Variants in TMEM87B observed in about 807,000 individuals in gnomAD.
TMEM87B encodes transmembrane protein 87B.
In TMEM87B, 83 loss-of-function variants were observed where a neutral mutation model predicts 80.3. The ratio of observed to expected loss-of-function variants is 1.03; its 90% confidence interval spans 0.87 to 1.24. The LOEUF is 1.24. TMEM87B is among the 50% of genes most tolerant of loss of function. The pLI, the probability that TMEM87B is intolerant of heterozygous loss-of-function variation, is 0.00. For synonymous variants in TMEM87B, 219 were observed against 230.5 expected (o/e 0.95, Z 0.45); for missense variants, 625 against 674.4 (o/e 0.93, Z 0.81).
chr2:112,108,432 CT>C (rs1679830820), intron 17 of TMEM87B, among the ~76,000 whole-genome samples: 2 of 152,164 alleles, frequency 1.3e-5, no homozygotes, highest in Admixed American at 6.5e-5. Context: ...GAAGAATTGC[CT>C]TTACATTTCT....
intron 17 of TMEM87B, among the ~76,000 whole-genome samples, chr2:112,109,885 G>A (rs1023338647): frequency 2.0e-5 from 3 of 150,964 alleles, no homozygotes; most frequent in Non-Finnish European, 4.4e-5. Context: ...TTCTGCCTCA[G>A]CCTCCTGGGT....
rs750968814 is a variant in TMEM87B, at chr2:112,089,654, T to C, written c.968T>C (p.Val323Ala). 1 of 1,614,190 alleles carries C rather than the reference T, an allele frequency of 6.2e-7. No individual in the cohort carries two copies. Among genetic ancestry groups the C allele is most frequent in the East Asian group, 2.2e-5 (1 of 44,882 alleles). The change falls in exon 10 of 19, where the codon GTG (valine) becomes GCG (alanine). Residue 323 changes from valine (V) to alanine (A), a missense_variant. By Grantham distance (64) the Val-to-Ala change is moderately conservative. Coordinates refer to ENST00000283206, the MANE Select transcript of TMEM87B (RefSeq NM_032824.3). ...KPRLGTVMHR[V>A]IGLGLLYLIF... Reference sequence around the variant, plus strand: ...CGTTTAGGAACAGTCATGCACCGGGTGATCGGACTGGGGCTTCTATACTTA... The same window carrying C: ...CGTTTAGGAACAGTCATGCACCGGGCGATCGGACTGGGGCTTCTATACTTA...
intron 2 of TMEM87B, among the ~76,000 whole-genome samples, chr2:112,061,988 G>A (rs968177503): frequency 2.6e-5 from 4 of 152,200 alleles, no homozygotes; most frequent in South Asian, 4.1e-4. Context: ...CTTCTCATCC[G>A]TATTGGGCCT....
Position 112,068,282 on chromosome 2 carries a change from T to A in TMEM87B, c.450+1215T>A, listed in dbSNP as rs1678500071. On this transcript the variant is annotated intron_variant, in intron 4 of 18. Coordinates refer to ENST00000283206, the MANE Select transcript of TMEM87B (RefSeq NM_032824.3). ...TTGGTTAGTGAGATTATGAGGCATT[T>A]AAATTTATTTTTTGTTCTTTTGTAA... Among the ~76,000 whole-genome samples the A allele has an allele frequency of 2.0e-5, 3 of 152,280 alleles. No homozygotes were observed. In the South Asian group the frequency reaches 6.2e-4, roughly 32 times the overall value.
chr2:112,089,596 C>CT lies in TMEM87B; in HGVS notation c.939-26dup, dbSNP rs1679242067. On this transcript the variant is annotated intron_variant, in intron 9 of 18. Transcript: ENST00000283206. ...ATTTTACTCACCCATGCTTTTTCTT[C>CT]TTTCTCTGTTTCCTCTTCCTGATTC... 4 of 1,608,814 alleles carry CT rather than the reference C, an allele frequency of 2.5e-6. No individual in the cohort carries two copies. In the African/African-American group the frequency reaches 4.0e-5, roughly 16 times the overall value.
intron 4 of TMEM87B, among the ~76,000 whole-genome samples, chr2:112,073,861 T>G (rs760937134): frequency 2.6e-5 from 4 of 152,184 alleles, no homozygotes; most frequent in Admixed American, 6.5e-5. Context: ...CTTCTGTGTC[T>G]TTTTTGATTT....
intron 1 of TMEM87B, among the ~76,000 whole-genome samples, chr2:112,057,414 T>C (rs1678110353): frequency 6.6e-6 from 1 of 152,176 alleles, no homozygotes; most frequent in Non-Finnish European, 1.5e-5. Flanking sequence ...TAGCGAAGAC[T>C]ATAGGTACAT....
At chr2:112,082,451 A>C (rs1385997676) in intron 8 of TMEM87B, among the ~76,000 whole-genome samples, 1 of 152,184 alleles carries the variant, frequency 6.6e-6, no homozygotes, top group African/African-American at 2.4e-5. Context: ...TGGACTATAG[A>C]TGAAACAAAT....
At chr2:112,068,557 A>G (rs913862850) in intron 4 of TMEM87B, among the ~76,000 whole-genome samples, 3 of 151,862 alleles carry the variant, frequency 2.0e-5, no homozygotes, top group African/African-American at 7.3e-5. Flanking sequence ...ACAAAAAATT[A>G]GCCGAGCGTG....
At chr2:112,104,757 C>G (rs1417064665) in intron 15 of TMEM87B, among the ~76,000 whole-genome samples, 2 of 152,118 alleles carry the variant, frequency 1.3e-5, no homozygotes, top group Non-Finnish European at 2.9e-5. Flanking sequence ...TACAGAAACA[C>G]AAGAATGTTT....
intron 3 of TMEM87B, among the ~76,000 whole-genome samples, chr2:112,065,416 C>T (rs1429119296): frequency 1.3e-5 from 2 of 151,908 alleles, no homozygotes; most frequent in African/African-American, 4.8e-5. Flanking sequence ...GAACCTGAGG[C>T]GAGAGGATCA....
chr2:112,089,914 T>C (rs1319822443), intron 10 of TMEM87B, among the ~76,000 whole-genome samples, 196 bp downstream of exon 10: 2 of 152,236 alleles, frequency 1.3e-5, no homozygotes, highest in East Asian at 3.8e-4. Flanking sequence ...TAAAATGATA[T>C]GACTGATTGC....
intron 11 of TMEM87B, among the ~76,000 whole-genome samples, chr2:112,093,366 G>T (rs1467179167): frequency 6.6e-6 from 1 of 152,180 alleles, no homozygotes; most frequent in East Asian, 1.9e-4. Context: ...TGGGTACTAG[G>T]ATCAGACATG....
At chr2:112,067,160 G>GTGGT in intron 4 of TMEM87B, 93 bp downstream of exon 4, 1 of 1,493,130 alleles carries the variant, frequency 6.7e-7, no homozygotes, top group Non-Finnish European at 9.1e-7. Flanking sequence ...TTTGATAAAG[G>GTGGT]TGGTATCTGA....
intron 4 of TMEM87B, among the ~76,000 whole-genome samples, chr2:112,069,212 A>C (rs968681374): frequency 2.0e-5 from 3 of 151,674 alleles, no homozygotes; most frequent in Non-Finnish European, 2.9e-5. Context: ...AAAAAAAAAA[A>C]AAAAAAAAAC....
intron 13 of TMEM87B, among the ~76,000 whole-genome samples, chr2:112,098,169 G>C (rs1030005366): frequency 6.6e-6 from 1 of 152,168 alleles, no homozygotes; most frequent in East Asian, 1.9e-4. Flanking sequence ...GAATATGAAA[G>C]GTCCTCTTTT....
rs527609786 is a variant in TMEM87B at position 112,075,501 on chromosome 2, A to C, written c.501+539A>C. Among the ~76,000 whole-genome samples the C allele has an allele frequency of 9.8e-5, 15 of 152,372 alleles. No homozygotes were observed. The East Asian group carries it at 2.9e-3, about 29-fold the overall frequency. On this transcript the variant is annotated intron_variant, in intron 5 of 18. Transcript: ENST00000283206. ...AGCAATTTAAGATGCATTTCTATGC[A>C]GCCTTTCTTTTCTTTAAAAAATAAA... is the stretch of plus-strand genomic sequence containing the variant.
Position 112,086,003 on chromosome 2 carries a change from A to C in TMEM87B, c.839-2A>C. ...GAATTATTTTATTTTTTTCTTCCTC[A>C]GCCCAAGGCTTATTGATATTTGCGG... On this transcript the variant is annotated splice_acceptor_variant, in intron 8 of 18. Coordinates refer to ENST00000283206, the MANE Select transcript of TMEM87B (RefSeq NM_032824.3). LOFTEE classifies it high-confidence loss of function. 6.2e-7 allele frequency: 1 copy of C among 1,611,200 alleles called. No homozygotes were observed. Among genetic ancestry groups the C allele is most frequent in the South Asian group, 1.1e-5 (1 of 90,464 alleles).
chr2:112,098,596 A>C lies in TMEM87B; in HGVS notation c.1274A>C (p.Asp425Ala), dbSNP rs1354665313. Residue 425 changes from aspartate to alanine, a missense_variant and splice_region_variant, in exon 14 of 19, where the codon GAT becomes GCT. Physicochemically the swap from Asp to Ala is moderately radical, Grantham distance 126. Transcript: ENST00000283206. ...ATGCTTGAATTGTCCTTCTTTTAGG[A>C]TTGGATGGAACGCTGGGTTGACGAT... ...KTFRIAKCQSDWMERWVDDAF... is the reference protein window; with the variant it reads ...KTFRIAKCQSAWMERWVDDAF... 25 of 1,613,844 alleles carry C rather than the reference A, an allele frequency of 1.5e-5. No individual in the cohort carries two copies. Among genetic ancestry groups the C allele is most frequent in the Non-Finnish European group, 2.1e-5 (25 of 1,179,936 alleles).
Sources: allele counts gnomAD v4.1 joint callset (sites outside exome capture counted in the v4.1 genomes callset), GRCh38; gene constraint gnomAD v4.1.1; transcripts MANE v1.5; gene names NCBI Gene and HGNC (gene_info 2026-07-23, HGNC 2026-07-21).